Variants in CAST observed in about 807,000 individuals in gnomAD.
The protein encoded by CAST is calpastatin.
CAST carries 76 observed loss-of-function variants against 119.6 expected under a neutral mutation model. The ratio of observed to expected loss-of-function variants is 0.64; its 90% CI spans 0.53 to 0.77. CAST has a LOEUF of 0.77. Ranked by LOEUF, CAST falls within the 30% of genes least tolerant of loss-of-function variation. The pLI, the probability that CAST is intolerant of heterozygous loss-of-function variation, is 0.00. For missense variants in CAST, 953 were observed against 946.5 expected (o/e 1.01, Z -0.09); for synonymous variants, 319 against 331.6 (o/e 0.96, Z 0.41).
chr5:96,569,295 G>A (rs1300398894), intron 1 of CAST, among the ~76,000 whole-genome samples: 1 of 152,200 alleles, frequency 6.6e-6, no homozygotes, highest in Non-Finnish European at 1.5e-5. Context: ...AAAGTATCAT[G>A]TCAGAGTGGG....
the CAST span, among the ~76,000 whole-genome samples, chr5:96,089,883 C>T: frequency 2.0e-5 from 3 of 152,096 alleles, no homozygotes; most frequent in East Asian, 1.9e-4. Context: ...TTTATCTTCT[C>T]ATTCGTATTT....
intron 1 of CAST, among the ~76,000 whole-genome samples, chr5:96,560,500 A>C (rs1029828864): frequency 7.2e-5 from 11 of 152,234 alleles, no homozygotes; most frequent in African/African-American, 2.7e-4. Flanking sequence ...GAACTCAAAC[A>C]AATTTACAAG....
At chr5:96,375,761 G>A in the CAST span, among the ~76,000 whole-genome samples, 2 of 151,674 alleles carry the variant, frequency 1.3e-5, no homozygotes, top group African/African-American at 4.8e-5. Flanking sequence ...GGTTCCCACC[G>A]AATAAGAAAT....
the CAST span, among the ~76,000 whole-genome samples, chr5:96,036,077 TAA>T: frequency 2.8e-5 from 4 of 143,204 alleles, no homozygotes; most frequent in African/African-American, 2.6e-5. Flanking sequence ...TATTTTCAGT[TAA>T]AAAAAAAAAG....
At chr5:96,118,938 A>G in the CAST span, among the ~76,000 whole-genome samples, 12 of 151,850 alleles carry the variant, frequency 7.9e-5, no homozygotes, top group East Asian at 2.3e-3. Flanking sequence ...TAGTTTCACC[A>G]CACTCCCTTT....
At chr5:96,521,075 C>T (rs1379288045), upstream of CAST, among the ~76,000 whole-genome samples, 3 of 152,184 alleles carry the variant, frequency 2.0e-5, no homozygotes, top group African/African-American at 7.2e-5. Context: ...AAGCCCAACA[C>T]ATCTTGTATA....
chr5:96,465,080 T>G, the CAST span, among the ~76,000 whole-genome samples: 1 of 152,100 alleles, frequency 6.6e-6, no homozygotes. Context: ...AGGTCTGTTT[T>G]TCTCATAAAT....
chr5:96,167,682 G>A, the CAST span, among the ~76,000 whole-genome samples: 1 of 152,168 alleles, frequency 6.6e-6, no homozygotes, highest in African/African-American at 2.4e-5. Context: ...GAGGTGGGAA[G>A]GCCAAACTGA....
At chr5:96,289,501 A>C in the CAST span, among the ~76,000 whole-genome samples, 1 of 152,136 alleles carries the variant, frequency 6.6e-6, no homozygotes, top group Non-Finnish European at 1.5e-5. Context: ...GGTTTTAATA[A>C]GGGGAAACCC....
At chr5:96,666,527 G>A (rs1749362953) in intron 1 of CAST, among the ~76,000 whole-genome samples, 1 of 152,212 alleles carries the variant, frequency 6.6e-6, no homozygotes, top group Non-Finnish European at 1.5e-5. Flanking sequence ...AATGTTGCAA[G>A]CCTTCCATGG....
chr5:96,352,364 C>T, the CAST span, among the ~76,000 whole-genome samples: 3 of 152,084 alleles, frequency 2.0e-5, no homozygotes, highest in Admixed American at 6.6e-5. Context: ...AATTTGCTTA[C>T]GTTTCATTGC....
chr5:96,222,470 C>A, the CAST span, among the ~76,000 whole-genome samples: 1 of 152,002 alleles, frequency 6.6e-6, no homozygotes, highest in Non-Finnish European at 1.5e-5. Flanking sequence ...AAACAGTTCT[C>A]AAAAGAAGAC....
the CAST span, among the ~76,000 whole-genome samples, chr5:96,307,179 G>T: frequency 3.3e-5 from 5 of 152,132 alleles, no homozygotes; most frequent in Non-Finnish European, 7.4e-5. Context: ...TTTTCTTGTT[G>T]CTTTGATCCC....
At chr5:96,747,689 T>G (rs768690404) in intron 18 of CAST, among the ~76,000 whole-genome samples, 22 of 152,090 alleles carry the variant, frequency 1.4e-4, no homozygotes, top group Non-Finnish European at 3.1e-4. Context: ...GCACTTAGAG[T>G]TCCATCCTGA....
the CAST span, among the ~76,000 whole-genome samples, chr5:96,198,779 A>T: frequency 2.0e-4 from 30 of 152,312 alleles, no homozygotes; most frequent in Admixed American, 1.5e-3. Flanking sequence ...GTTTGACAAG[A>T]CATCATTCCC....
the CAST span, among the ~76,000 whole-genome samples, chr5:96,285,814 G>C: frequency 6.6e-6 from 1 of 152,100 alleles, no homozygotes; most frequent in Non-Finnish European, 1.5e-5. Context: ...ATCTTTATAA[G>C]TGCTAGGTAT....
At chr5:96,123,173 AG>A in the CAST span, among the ~76,000 whole-genome samples, 1 of 152,138 alleles carries the variant, frequency 6.6e-6, no homozygotes, top group Non-Finnish European at 1.5e-5. Context: ...AGAGGGTCTT[AG>A]GATACACGTA....
chr5:96,013,623 G>C, the CAST span, among the ~76,000 whole-genome samples: 1 of 152,024 alleles, frequency 6.6e-6, no homozygotes, highest in South Asian at 2.1e-4. Flanking sequence ...ACATCATAGA[G>C]TATACTTACA....
chr5:96,770,624 C>T, intron 30 of CAST, 22 bp downstream of exon 30: 3 of 1,511,182 alleles, frequency 2.0e-6, no homozygotes, highest in Non-Finnish European at 2.8e-6. Context: ...AGTAAATATA[C>T]TACAAATTAG....
Sources: allele counts gnomAD v4.1 joint callset (sites outside exome capture counted in the v4.1 genomes callset), GRCh38; gene constraint gnomAD v4.1.1; transcripts MANE v1.5; gene names NCBI Gene and HGNC (gene_info 2026-07-23, HGNC 2026-07-21).